The following CWC22 variants were observed in gnomAD, a reference collection of about 807,000 sequenced individuals.
CWC22 encodes the protein CWC22 spliceosome associated protein.
Under a neutral mutation model 117.2 loss-of-function variants are expected in CWC22, and 53 were observed. The ratio of observed to expected loss-of-function variants is 0.45; its 90% CI spans 0.36 to 0.57. The LOEUF is 0.57. Ranked by LOEUF, CWC22 falls within the 20% of genes least tolerant of loss-of-function variation. CWC22 has a pLI of 0.00. For missense variants in CWC22, 980 were observed against 1,068.8 expected (o/e 0.92, Z 1.16); for synonymous variants, 360 against 355.6 (o/e 1.01, Z -0.14).
intron 19 of CWC22, 32 bp downstream of exon 19, chr2:179,950,480 G>A: frequency 7.3e-7 from 1 of 1,372,066 alleles, no homozygotes; most frequent in Non-Finnish European, 1.0e-6. Context: ...TATTAGAAAA[G>A]AGCAAGCCAA....
intron 19 of CWC22, among the ~76,000 whole-genome samples, chr2:179,949,717 T>G (rs1370428761): frequency 2.0e-5 from 3 of 152,168 alleles, no homozygotes; most frequent in Non-Finnish European, 4.4e-5. Context: ...CATCAAAAGA[T>G]ATGTACAAGA....
chr2:179,988,650 A>G lies in CWC22; in HGVS notation c.28-6T>C, dbSNP rs755143140. 1.8e-5 allele frequency: 27 copies of G among 1,463,394 alleles called. No homozygotes were observed. The highest frequency in any genetic ancestry group is 6.6e-5 in the Admixed American group (3 of 45,468). 90.7% of individuals were successfully genotyped at this position (1,463,394 alleles called of 1,614,324 possible). Reference sequence around the variant, plus strand: ...CTGTCATGACCAGAAGAAGGCTTTAAAAGAGGAAAAGGGGAAAACATTTCA... The same window carrying G: ...CTGTCATGACCAGAAGAAGGCTTTAGAAGAGGAAAAGGGGAAAACATTTCA... On this transcript the variant is annotated splice_region_variant and splice_polypyrimidine_tract_variant and intron_variant, in intron 2 of 19. Coordinates refer to ENST00000410053, the MANE Select transcript of CWC22 (RefSeq NM_020943.3).
chr2:179,948,944 A>G (rs1240013984), intron 19 of CWC22, among the ~76,000 whole-genome samples: 1 of 152,228 alleles, frequency 6.6e-6, no homozygotes, highest in Non-Finnish European at 1.5e-5. Context: ...GTTATGTAAG[A>G]TGCTACCATT....
At position 179,975,685 on chromosome 2, in the gene CWC22, GA is replaced by G. The variant is rs983473163; in HGVS notation, c.582-1884del. Among the ~76,000 whole-genome samples, 15 of 151,050 alleles carry G rather than the reference GA, an allele frequency of 9.9e-5. No homozygotes were observed. In the East Asian group the frequency reaches 2.7e-3, roughly 27 times the overall value. ...AAAACATCCCATTTACAATAGCTAT[GA>G]AAAAAAAAGTTAGGAATAAATCTAA... On this transcript the variant is annotated intron_variant, in intron 6 of 19. Transcript: ENST00000410053.
intron 13 of CWC22, among the ~76,000 whole-genome samples, chr2:179,960,673 T>C (rs1003656969): frequency 1.3e-5 from 2 of 152,092 alleles, no homozygotes; most frequent in East Asian, 3.9e-4. Flanking sequence ...GGTATTAGTA[T>C]TTGAAATTTG....
chr2:179,998,720 T>C (rs1687771578), intron 1 of CWC22, among the ~76,000 whole-genome samples: 1 of 152,200 alleles, frequency 6.6e-6, no homozygotes, highest in Non-Finnish European at 1.5e-5. Flanking sequence ...TTTTCAAACA[T>C]TCATAGTAAT....
At chr2:179,991,902 GAT>G (rs750670634) in intron 2 of CWC22, among the ~76,000 whole-genome samples, 14 of 152,348 alleles carry the variant, frequency 9.2e-5, no homozygotes, top group Non-Finnish European at 1.5e-4. Context: ...TGCCAAAAGA[GAT>G]ATGCAAGCAA....
chr2:179,949,653 C>T (rs144136475), intron 19 of CWC22, among the ~76,000 whole-genome samples: 3 of 152,146 alleles, frequency 2.0e-5, no homozygotes, highest in African/African-American at 7.2e-5. Flanking sequence ...TTATGACACA[C>T]TGACTCCACC....
chr2:179,990,552 G>C (rs1392823257), intron 2 of CWC22, among the ~76,000 whole-genome samples: 1 of 139,774 alleles, frequency 7.2e-6, no homozygotes, highest in African/African-American at 2.8e-5. Flanking sequence ...CAGACAGAGA[G>C]AGAGAGAGAG....
intron 2 of CWC22, among the ~76,000 whole-genome samples, chr2:179,990,370 T>C (rs568575555): frequency 6.6e-6 from 1 of 152,310 alleles, no homozygotes; most frequent in Non-Finnish European, 1.5e-5. Flanking sequence ...ATATTTATAC[T>C]GATCACTTAT....
chr2:179,985,755 C>T (rs1454227798), intron 4 of CWC22, among the ~76,000 whole-genome samples: 1 of 151,914 alleles, frequency 6.6e-6, no homozygotes, highest in Non-Finnish European at 1.5e-5. Flanking sequence ...TATTGTTAAT[C>T]TTTTACTATG....
intron 1 of CWC22, 76 bp from the exon 2 acceptor site, chr2:179,993,530 T>C (rs575849333): frequency 3.7e-6 from 2 of 539,966 alleles, no homozygotes; most frequent in Admixed American, 3.5e-5. Flanking sequence ...TTCTATACAA[T>C]GGACATTTGA....
chr2:179,988,656 G>C lies in CWC22; in HGVS notation c.28-12C>G, dbSNP rs1403557155. 10 of 1,429,050 alleles carry C rather than the reference G, an allele frequency of 7.0e-6. No individual in the cohort carries two copies. Among genetic ancestry groups the C allele is most frequent in the Non-Finnish European group, 9.5e-6 (10 of 1,056,344 alleles). 88.5% of individuals were successfully genotyped at this position (1,429,050 alleles called of 1,614,324 possible). ...TGACCAGAAGAAGGCTTTAAAAGAG[G>C]AAAAGGGGAAAACATTTCAAAAATT... is the stretch of plus-strand genomic sequence containing the variant. On this transcript the variant is annotated splice_polypyrimidine_tract_variant and intron_variant, in intron 2 of 19. Transcript: ENST00000410053.
intron 19 of CWC22, among the ~76,000 whole-genome samples, chr2:179,950,028 A>T (rs775977753): frequency 6.6e-6 from 1 of 152,208 alleles, no homozygotes; most frequent in Non-Finnish European, 1.5e-5. Context: ...GAGGAAACAC[A>T]GAGAACTTCT....
intron 1 of CWC22, among the ~76,000 whole-genome samples, chr2:180,004,146 T>C (rs1251198806): frequency 6.6e-6 from 1 of 152,202 alleles, no homozygotes; most frequent in Non-Finnish European, 1.5e-5. Context: ...AGCCACTTCT[T>C]TCTCGGACTA....
chr2:179,959,177 T>C, intron 13 of CWC22, 95 bp from the exon 14 acceptor site: 1 of 764,028 alleles, frequency 1.3e-6, no homozygotes, highest in Non-Finnish European at 2.2e-6. Context: ...TTAAATCATC[T>C]TTTTTAACTG....
At position 179,981,582 on chromosome 2, in the gene CWC22, C is replaced by T. The variant is rs78884649; in HGVS notation, c.452+170G>A. Among the ~76,000 whole-genome samples the T allele has an allele frequency of 3.5e-3, 534 of 152,232 alleles. 1 individual carries two copies. Among genetic ancestry groups the T allele is most frequent in the Non-Finnish European group, 5.5e-3 (372 of 68,014 alleles). ...GAAGTAATGTGCTAATATAAGGGCA[C>T]GTAGTGTGTGGCTCTCCAATGGAGC... On this transcript the variant is annotated intron_variant, in intron 5 of 19. Transcript: ENST00000410053.
In CWC22 at chr2:179,960,313, A is replaced by G. The variant is rs192882899; in HGVS notation, c.1398-1231T>C. Among the ~76,000 whole-genome samples, 41 of 152,162 alleles carry G rather than the reference A, an allele frequency of 2.7e-4. No individual in the cohort carries two copies. The East Asian group carries it at 7.3e-3, about 27-fold the overall frequency. On this transcript the variant is annotated intron_variant, in intron 13 of 19. Coordinates refer to ENST00000410053, the MANE Select transcript of CWC22 (RefSeq NM_020943.3). ...GTGCTTCCCAATGCTCAAGGTTTTA[A>G]AGAGACATAGCTGTTCTGTTCTACA...
In CWC22 at chr2:179,986,924, C is replaced by T. The variant is rs1276368985; in HGVS notation, c.96-119G>A. ...TATGACTGAACAACATCGTGTCAAA[C>T]TGTTCTTAACAGCTCATTTTGCTAA... On this transcript the variant is annotated intron_variant, in intron 3 of 19. Transcript: ENST00000410053. The T allele has an allele frequency of 1.0e-5, 5 of 496,722 alleles. No individual in the cohort carries two copies. In the East Asian group the frequency reaches 1.3e-4, roughly 13 times the overall value. 30.8% of individuals were successfully genotyped at this position (496,722 alleles called of 1,614,324 possible). A position where few individuals can be genotyped will look rare whatever the true frequency, so the allele number is the denominator to read the frequency against.
Sources: allele counts gnomAD v4.1 joint callset (sites outside exome capture counted in the v4.1 genomes callset), GRCh38; gene constraint gnomAD v4.1.1; transcripts MANE v1.5; gene names NCBI Gene and HGNC (gene_info 2026-07-23, HGNC 2026-07-21).